The following POLRMT variants were observed in gnomAD, a reference collection of about 807,000 sequenced individuals.
POLRMT encodes DNA-directed RNA polymerase, mitochondrial.
A neutral mutation model predicts 132.2 loss-of-function variants in POLRMT; 114 were observed. The ratio of observed to expected loss-of-function variants is 0.86; its 90% CI spans 0.74 to 1.01. The LOEUF (loss-of-function observed/expected upper bound fraction) is 1.01. POLRMT is among the 50% of genes least tolerant of loss of function. POLRMT has a pLI of 0.00. For missense variants in POLRMT, 2,003 were observed against 1,729.1 expected (o/e 1.16, Z -2.81); for synonymous variants, 1,020 against 773.4 (o/e 1.32, Z -5.29).
At chr19:627,919 T>C (rs1328441828) in intron 3 of POLRMT, among the ~76,000 whole-genome samples, 11 of 110,154 alleles carry the variant, frequency 1.0e-4, no homozygotes, top group African/African-American at 3.8e-4. Context: ...ACAGAGAGTC[T>C]ATCTCAAAAA....
chr19:624,477 T>C (rs1049438770), intron 5 of POLRMT, among the ~76,000 whole-genome samples: 2 of 152,132 alleles, frequency 1.3e-5, no homozygotes, highest in African/African-American at 4.8e-5. Flanking sequence ...ACTGCTCTCC[T>C]GTCACCCCAC....
chr19:619,370 G>A (rs973352238), intron 13 of POLRMT, 74 bp from the exon 14 acceptor site: 5 of 1,511,192 alleles, frequency 3.3e-6, no homozygotes, highest in African/African-American at 1.4e-5. Flanking sequence ...CTATTTCAGA[G>A]CCACTGAGGC....
intron 3 of POLRMT, among the ~76,000 whole-genome samples, chr19:628,111 C>T (rs1251687532): frequency 6.6e-6 from 1 of 152,096 alleles, no homozygotes; most frequent in African/African-American, 2.4e-5. Context: ...CACCCCGGAA[C>T]GCTGGGAGAG....
At position 617,252 on chromosome 19, in the gene POLRMT, C is replaced by CACTG; in HGVS notation, c.*18_*21dup. 1 of 1,612,290 alleles carries CACTG rather than the reference C, an allele frequency of 6.2e-7. No homozygotes were observed. Among genetic ancestry groups the CACTG allele is most frequent in the East Asian group, 2.2e-5 (1 of 44,876 alleles). ...GGGTGGCAAAAGAGCTTTATTTACA[C>CACTG]ACTGACAAGGCTCACGGGGTGTCAG... On this transcript the variant is annotated 3_prime_UTR_variant, in exon 21 of 21. Transcript: ENST00000588649.
intron 2 of POLRMT, among the ~76,000 whole-genome samples, chr19:632,057 G>C (rs1049195101): frequency 6.7e-6 from 1 of 149,328 alleles, no homozygotes; most frequent in Non-Finnish European, 1.5e-5. Context: ...ACAGGCGTGA[G>C]CCACCGCACC....
In POLRMT at chr19:622,509, C is replaced by T. The variant is rs565962550; in HGVS notation, c.1626+73G>A. 6.7e-5 allele frequency: 100 copies of T among 1,499,362 alleles called. 1 individual carries two copies. Among genetic ancestry groups the T allele is most frequent in the South Asian group, 2.6e-4 (20 of 75,868 alleles). The allele number at this position is 1,499,362 out of a possible 1,614,324, so 92.9% of individuals were successfully genotyped here. On this transcript the variant is annotated intron_variant, in intron 8 of 20. Transcript: ENST00000588649. The stretch of plus-strand genomic sequence containing the variant: ...ACAGACTGAAGCTTGGGTGCAAACC[C>T]GGCTGCTCCAGGGAGGGAGAGCGCC...
chr19:626,688 T>TAAAAAAAAAAAAAAAAAAAA (rs1985038731), intron 3 of POLRMT, among the ~76,000 whole-genome samples: 1 of 56,126 alleles, frequency 1.8e-5, no homozygotes, highest in African/African-American at 9.6e-5. Flanking sequence ...CTCCCTCCAC[T>TAAAAAAAAAAAAAAAAAAAA]AAAAATACAA....
chr19:633,067 A>C (rs753330017), intron 1 of POLRMT, 129 bp from the exon 2 acceptor site: 22 of 714,310 alleles, frequency 3.1e-5, no homozygotes, highest in Non-Finnish European at 4.5e-5. Context: ...GCACGGGCTT[A>C]AGTTGGAAAG....
rs1007673337 is a variant in POLRMT at position 622,188 on chromosome 19, G to C, written c.1812C>G (p.Pro604=). The stretch of plus-strand genomic sequence containing the variant: ...GGAAGGAATACACGTGGTAGAGCAC[G>C]GGGACAAGCCGAGAGGAACGATGCG... ...DKPHRSSRLV[P]VLYHVYSFRN... is the part of the protein sequence containing the mutation. The change falls in exon 9 of 21, where the codon CCC becomes CCG. Residue 604 remains proline, a synonymous_variant. Coordinates refer to ENST00000588649, the MANE Select transcript of POLRMT (RefSeq NM_005035.4). 7.0e-6 allele frequency: 11 copies of C among 1,577,000 alleles called. No homozygotes were observed. Among genetic ancestry groups the C allele is most frequent in the Non-Finnish European group, 9.4e-6 (11 of 1,164,874 alleles).
rs556590653 is a variant in POLRMT, at chr19:621,673, T to C, written c.2025A>G (p.Glu675=). 7.4e-5 allele frequency: 115 copies of C among 1,562,416 alleles called. No homozygotes were observed. Among genetic ancestry groups the C allele is most frequent in the Middle Eastern group, 6.4e-4 (3 of 4,662 alleles). ...LSPTKLMRTV[E]GATQHQELLE... ...GCAGCTCCTGGTGCTGCGTGGCGCC[T>C]TCCACCGTGCGCATCAGCTTGGTGG... Residue 675 remains glutamate, a synonymous_variant, in exon 10 of 21, where the codon GAA becomes GAG. Coordinates refer to ENST00000588649, the MANE Select transcript of POLRMT (RefSeq NM_005035.4).
At chr19:632,573 A>T (rs1600600526) in intron 2 of POLRMT, among the ~76,000 whole-genome samples, 1 of 150,240 alleles carries the variant, frequency 6.7e-6, no homozygotes, top group South Asian at 2.1e-4. Flanking sequence ...CTTGGGCCTC[A>T]CCTATGTCCC....
intron 3 of POLRMT, among the ~76,000 whole-genome samples, chr19:628,198 T>C (rs893780223): frequency 6.6e-6 from 1 of 152,178 alleles, no homozygotes; most frequent in Non-Finnish European, 1.5e-5. Context: ...TCTGGGCTCG[T>C]GCTAAGAGTG....
At chr19:620,244 G>T in intron 11 of POLRMT, 121 bp downstream of exon 11, 3 of 1,452,240 alleles carry the variant, frequency 2.1e-6, no homozygotes, top group Non-Finnish European at 2.8e-6. Flanking sequence ...CATGGCTCCC[G>T]CACACTCTAG....
At chr19:620,631 G>T (rs1467442217) in intron 10 of POLRMT, 144 bp from the exon 11 acceptor site, 1 of 1,095,348 alleles carries the variant, frequency 9.1e-7, no homozygotes, top group South Asian at 1.7e-5. Flanking sequence ...CGAGAGACGG[G>T]GCGGTGGCTG....
chr19:631,851 C>CCTGT (rs1415328426), intron 2 of POLRMT, among the ~76,000 whole-genome samples: 1 of 152,118 alleles, frequency 6.6e-6, no homozygotes, highest in African/African-American at 2.4e-5. Context: ...AAGCGATTCT[C>CCTGT]CTGTCTCAGT....
intron 19 of POLRMT, 27 bp downstream of exon 19, chr19:617,543 G>A: frequency 1.9e-6 from 3 of 1,610,388 alleles, no homozygotes; most frequent in Non-Finnish European, 2.5e-6. Context: ...GGGGAATCCA[G>A]GTAGTTGGGG....
In POLRMT at chr19:630,024, T is replaced by C; in HGVS notation, c.338A>G (p.Asp113Gly). 6.2e-7 allele frequency: 1 copy of C among 1,613,826 alleles called. No individual in the cohort carries two copies. The highest frequency in any genetic ancestry group is 1.3e-5 in the African/African-American group (1 of 75,048). ...PPRKVQMGAK[D>G]ATPVPCGRWA... ...GCGGCCACAGGGCACCGGGGTGGCA[T>C]CCTTGGCCCCCATCTGGACCTTCCT... The change falls in exon 3 of 21, where the codon GAT (aspartate) becomes GGT (glycine). Residue 113 changes from aspartate to glycine, a missense_variant. Transcript: ENST00000588649.
At chr19:618,120 G>A (rs1984156888) in intron 17 of POLRMT, 1 of 568,172 alleles carries the variant, frequency 1.8e-6, no homozygotes, top group Non-Finnish European at 3.2e-6. Context: ...GCGGCTACGA[G>A]GTCCCCTCCT....
At chr19:628,910 A>G (rs1010661839) in intron 3 of POLRMT, among the ~76,000 whole-genome samples, 3 of 152,160 alleles carry the variant, frequency 2.0e-5, no homozygotes, top group African/African-American at 7.2e-5. Context: ...AGGCTGAGGC[A>G]GGATAATCAC....
Sources: allele counts gnomAD v4.1 joint callset (sites outside exome capture counted in the v4.1 genomes callset), GRCh38; gene constraint gnomAD v4.1.1; transcripts MANE v1.5; gene names NCBI Gene and HGNC (gene_info 2026-07-23, HGNC 2026-07-21).